KCNJ6: variants seen among roughly 807,000 people sequenced by gnomAD.
The protein encoded by KCNJ6 is G protein-activated inward rectifier potassium channel 2.
In KCNJ6, 9 loss-of-function variants were observed where a neutral mutation model predicts 34.2. The ratio of observed to expected loss-of-function variants is 0.26; its 90% CI spans 0.16 to 0.46. KCNJ6 has a LOEUF of 0.46. Among genes scored for constraint, KCNJ6 ranks in the 20% least tolerant of loss-of-function variants. The pLI, the probability that KCNJ6 is intolerant of heterozygous loss-of-function variation, is 1.00. For missense variants in KCNJ6, 236 were observed against 531.3 expected (o/e 0.44, Z 5.46); for synonymous variants, 196 against 207.1 (o/e 0.95, Z 0.46).
chr21:37,879,036 G>C (rs963813010), intron 1 of KCNJ6, among the ~76,000 whole-genome samples: 1 of 152,182 alleles, frequency 6.6e-6, no homozygotes, highest in Non-Finnish European at 1.5e-5. Context: ...GTTTGTAAAG[G>C]AGATGATTGA....
intron 3 of KCNJ6, among the ~76,000 whole-genome samples, chr21:37,645,625 T>C (rs923285733): frequency 4.6e-5 from 7 of 152,206 alleles, no homozygotes; most frequent in African/African-American, 1.7e-4. Context: ...CCATGTTTAA[T>C]AGGGAAGTTT....
At chr21:37,784,962 T>C (rs574195062) in intron 2 of KCNJ6, among the ~76,000 whole-genome samples, 1 of 152,330 alleles carries the variant, frequency 6.6e-6, no homozygotes, top group East Asian at 1.9e-4. Context: ...ATTTGGAGAA[T>C]GTCACAGAGA....
chr21:37,835,270 C>T (rs1238757691), intron 2 of KCNJ6, among the ~76,000 whole-genome samples: 5 of 152,172 alleles, frequency 3.3e-5, no homozygotes, highest in Non-Finnish European at 5.9e-5. Flanking sequence ...CCAGCAGAAC[C>T]CTGAGGTTGG....
chr21:37,665,171 G>C (rs2054508263), intron 3 of KCNJ6, among the ~76,000 whole-genome samples: 1 of 152,122 alleles, frequency 6.6e-6, no homozygotes, highest in Admixed American at 6.5e-5. Context: ...CTGGATCCCT[G>C]TGAAGATTAA....
rs762020565 is a variant in KCNJ6 at position 37,714,801 on chromosome 21, C to T, written c.356G>A (p.Gly119Glu). ...MIWWLIAYIRGDMDHIEDPSW... is the reference protein window; with the variant it reads ...MIWWLIAYIREDMDHIEDPSW... ...GGGGTCCTCTATGTGGTCCATGTCT[C>T]CCCGTATGTATGCGATCAACCACCA... The change falls in exon 3 of 4, where the codon GGA becomes GAA. Residue 119 changes from glycine (G) to glutamate (E), a missense_variant. By Grantham distance (98) the Gly-to-Glu change is moderately conservative. Transcript: ENST00000609713. This position sits in a 1 kb window ranked among gnomAD's most constrained non-coding sequence, Gnocchi z 5.9. 3 of 1,614,152 alleles carry T rather than the reference C, an allele frequency of 1.9e-6. No homozygotes were observed. Among genetic ancestry groups the T allele is most frequent in the Non-Finnish European group, 1.7e-6 (2 of 1,180,036 alleles).
At chr21:37,851,717 G>T (rs2055538214) in intron 1 of KCNJ6, among the ~76,000 whole-genome samples, 1 of 151,390 alleles carries the variant, frequency 6.6e-6, no homozygotes, top group East Asian at 1.9e-4. Context: ...CTTCATTTCA[G>T]CTTTGGCAAA....
chr21:37,841,793 A>G (rs1280294283), intron 1 of KCNJ6, among the ~76,000 whole-genome samples: 1 of 152,246 alleles, frequency 6.6e-6, no homozygotes, highest in African/African-American at 2.4e-5. Flanking sequence ...GGATTATATC[A>G]TCATTTCCTT....
intron 3 of KCNJ6, among the ~76,000 whole-genome samples, chr21:37,647,600 C>T (rs1004225934): frequency 1.3e-5 from 2 of 151,952 alleles, no homozygotes; most frequent in East Asian, 1.9e-4. Flanking sequence ...TCACCTTAAT[C>T]CCCCCCAGAG....
intron 2 of KCNJ6, among the ~76,000 whole-genome samples, chr21:37,730,297 T>C (rs1396690229): frequency 6.6e-6 from 1 of 152,168 alleles, no homozygotes; most frequent in Non-Finnish European, 1.5e-5. Flanking sequence ...TAATGAACTT[T>C]GGGAGCCTGG....
chr21:37,846,353 CTGTGTGTGTGTGTGTGTG>C (rs55697215), intron 1 of KCNJ6, among the ~76,000 whole-genome samples: 25,553 of 144,966 alleles, frequency 0.18, 3,145 homozygotes, highest in East Asian at 0.51. Context: ...CTGAGACACT[CTGTGTGTGTGTGTGTGTG>C]TGTGTGTGTG....
At chr21:37,657,851 G>A (rs1473696667) in intron 3 of KCNJ6, among the ~76,000 whole-genome samples, 2 of 152,238 alleles carry the variant, frequency 1.3e-5, no homozygotes, top group Non-Finnish European at 2.9e-5. Flanking sequence ...TTTTCTGGGG[G>A]AGACGGCATC....
At chr21:37,729,800 T>G (rs2054874969) in intron 2 of KCNJ6, among the ~76,000 whole-genome samples, 2 of 152,222 alleles carry the variant, frequency 1.3e-5, no homozygotes, top group Non-Finnish European at 2.9e-5. Context: ...CCAAGACACA[T>G]GCCCGTTCAT....
Position 37,712,746 on chromosome 21 carries a change from CCT to C in KCNJ6, c.946+1463_946+1464del. On this transcript the variant is annotated intron_variant, in intron 3 of 3. Transcript: ENST00000609713. ...CTCCTTCCTCCCCTTCTCCTCCTCT[CCT>C]TCCTCCCCTTCCTCCTCCCCTGCCT... Among the ~76,000 whole-genome samples the C allele has an allele frequency of 2.5e-5, 3 of 117,918 alleles. 1 individual carries two copies. The allele number at this position is 117,918 out of a possible 152,430, so 77.4% of individuals were successfully genotyped here. A position where few individuals can be genotyped will look rare whatever the true frequency, so the allele number is the denominator to read the frequency against.
intron 1 of KCNJ6, among the ~76,000 whole-genome samples, chr21:37,875,974 A>G (rs113003825): frequency 2.2e-3 from 335 of 152,374 alleles, no homozygotes; most frequent in African/African-American, 7.1e-3. Flanking sequence ...TGAAGAATCA[A>G]TGGGGACCAT....
At chr21:37,667,217 C>T (rs978323649) in intron 3 of KCNJ6, among the ~76,000 whole-genome samples, 1 of 138,184 alleles carries the variant, frequency 7.2e-6, no homozygotes, top group Non-Finnish European at 1.5e-5. Context: ...AGTGTCCAGA[C>T]CCAAACTGGA....
At chr21:37,701,316 G>A (rs991985692) in intron 3 of KCNJ6, among the ~76,000 whole-genome samples, 5 of 152,150 alleles carry the variant, frequency 3.3e-5, no homozygotes, top group African/African-American at 7.2e-5. Context: ...GGGAGGAGGC[G>A]GTTGGAACTG....
At chr21:37,883,159 C>T (rs1341191955) in intron 1 of KCNJ6, among the ~76,000 whole-genome samples, 1 of 152,220 alleles carries the variant, frequency 6.6e-6, no homozygotes, top group Admixed American at 6.5e-5. Flanking sequence ...AGTTGCTTCA[C>T]CTCCTTATGC....
chr21:37,646,012 A>G (rs2835860), intron 3 of KCNJ6, among the ~76,000 whole-genome samples: 23,883 of 152,054 alleles, frequency 0.16, 3,107 homozygotes, highest in African/African-American at 0.35. Flanking sequence ...CTTGTGGAAA[A>G]TTTGGTTTGG....
At chr21:37,721,788 G>GCA in intron 2 of KCNJ6, among the ~76,000 whole-genome samples, 1 of 152,294 alleles carries the variant, frequency 6.6e-6, no homozygotes, top group Non-Finnish European at 1.5e-5. Context: ...AGAGAAAGGG[G>GCA]CACTGGGGAG....
Sources: gnomAD v4.1 joint callset for allele counts (sites outside exome capture counted in the v4.1 genomes callset) on GRCh38, gnomAD v4.1.1 for gene constraint, Gnocchi (gnomAD v3.1) non-coding constraint, MANE v1.5 for transcripts, NCBI Gene and HGNC (gene_info 2026-07-23, HGNC 2026-07-21) for gene names.